DPP8: variants seen among roughly 807,000 people sequenced by gnomAD.
The protein encoded by DPP8 is dipeptidyl peptidase 8.
DPP8 carries 31 observed loss-of-function variants against 107.5 expected under a neutral mutation model. The observed-to-expected ratio is 0.29, with a 90% CI of 0.22 to 0.39. The LOEUF (loss-of-function observed/expected upper bound fraction) is 0.39. DPP8 is among the 10% of genes least tolerant of loss of function. The probability of loss-of-function intolerance (pLI) is 1.00; values close to 1 mark genes in which losing one functional copy is unlikely to be tolerated. For missense variants in DPP8, 842 were observed against 1,076.1 expected (o/e 0.78, Z 3.04); for synonymous variants, 381 against 356.6 (o/e 1.07, Z -0.77).
Position 65,512,647 on chromosome 15 carries a change from CG to C in DPP8, c.-11-84del, listed in dbSNP as rs2070941873. 2.0e-5 allele frequency: 30 copies of C among 1,486,160 alleles called. No homozygotes were observed. In the South Asian group the frequency reaches 3.6e-4, roughly 18 times the overall value. The allele number at this position is 1,486,160 out of a possible 1,614,324, so 92.1% of individuals were successfully genotyped here. Reference sequence around the variant, plus strand: ...TTCTCTGAGAGGGTCAAAAAAAAAGCGGGGGAGTGGGGAGGGCAAGAAAAAA... The same window carrying C: ...TTCTCTGAGAGGGTCAAAAAAAAAGCGGGGAGTGGGGAGGGCAAGAAAAAA... On this transcript the variant is annotated intron_variant, in intron 1 of 19. Coordinates refer to ENST00000300141, the MANE Select transcript of DPP8 (RefSeq NM_130434.5).
chr15:65,471,068 C>A (rs2065851707), intron 12 of DPP8, among the ~76,000 whole-genome samples: 3 of 152,112 alleles, frequency 2.0e-5, no homozygotes. Flanking sequence ...TATGCAATTA[C>A]AATTATTGGG....
chr15:65,448,875 T>C (rs1364371433), intron 19 of DPP8, among the ~76,000 whole-genome samples: 2 of 29,608 alleles, frequency 6.8e-5, no homozygotes, highest in Non-Finnish European at 1.3e-4. Context: ...AATATATATA[T>C]ATATATATAT....
At chr15:65,475,460 C>G (rs2066298980) in intron 11 of DPP8, 1 of 1,565,944 alleles carries the variant, frequency 6.4e-7, no homozygotes, top group Non-Finnish European at 8.8e-7. Flanking sequence ...GGGTCCAGAG[C>G]TGCAGGGCTG....
At chr15:65,448,732 CATATATATCTAAAATAT>C (rs2063678505) in intron 19 of DPP8, among the ~76,000 whole-genome samples, 3 of 116,714 alleles carry the variant, frequency 2.6e-5, no homozygotes, top group African/African-American at 1.1e-4. Flanking sequence ...ATAAAATATA[CATATATATCTAAAATAT>C]ACATATATAT....
At chr15:65,470,265 A>G (rs1177787620) in intron 12 of DPP8, among the ~76,000 whole-genome samples, 1 of 151,650 alleles carries the variant, frequency 6.6e-6, no homozygotes, top group Non-Finnish European at 1.5e-5. Flanking sequence ...GTCACTTGTA[A>G]AAGTAGAGAA....
chr15:65,458,348 C>T lies in DPP8; in HGVS notation c.1972-1977G>A, dbSNP rs1185833995. ...TGATCTCGGCCCACTGCAACTTCCG[C>T]CTCCCAGGTTCAAGCAATTCTCGTG... On this transcript the variant is annotated intron_variant, in intron 15 of 19. Coordinates refer to ENST00000300141, the MANE Select transcript of DPP8 (RefSeq NM_130434.5). Among the ~76,000 whole-genome samples, 4 of 152,214 alleles carry T rather than the reference C, an allele frequency of 2.6e-5. No individual in the cohort carries two copies. In the East Asian group the frequency reaches 7.7e-4, roughly 29 times the overall value.
chr15:65,510,179 G>A (rs2141095238), intron 2 of DPP8, among the ~76,000 whole-genome samples: 1 of 151,862 alleles, frequency 6.6e-6, no homozygotes, highest in African/African-American at 2.4e-5. Flanking sequence ...AGCTGGGCAT[G>A]GTGGCACACG....
At chr15:65,513,060 T>C (rs1040712252) in intron 1 of DPP8, among the ~76,000 whole-genome samples, 4 of 152,206 alleles carry the variant, frequency 2.6e-5, no homozygotes, top group African/African-American at 9.6e-5. Context: ...TTGTCAAAAA[T>C]AACGTGCATG....
At chr15:65,510,636 T>G (rs768536137) in intron 2 of DPP8, among the ~76,000 whole-genome samples, 4 of 152,166 alleles carry the variant, frequency 2.6e-5, no homozygotes, top group Admixed American at 6.5e-5. Flanking sequence ...CCTCCCAGGA[T>G]CAAGCAATTC....
At chr15:65,515,845 T>C (rs1473123914) in intron 1 of DPP8, 21 of 674,482 alleles carry the variant, frequency 3.1e-5, no homozygotes, top group Non-Finnish European at 4.4e-5. Flanking sequence ...AGATGGACCA[T>C]ATGTGGCCAA....
intron 4 of DPP8, among the ~76,000 whole-genome samples, chr15:65,498,352 G>A (rs2068815310): frequency 6.6e-6 from 1 of 151,984 alleles, no homozygotes; most frequent in African/African-American, 2.4e-5. Flanking sequence ...AACCTGGGAG[G>A]TGGATGTTGC....
intron 15 of DPP8, 63 bp downstream of exon 15, chr15:65,463,698 A>C: frequency 7.0e-7 from 1 of 1,437,950 alleles, no homozygotes; most frequent in Non-Finnish European, 9.6e-7. Context: ...ACATTTAAAA[A>C]ACAAAAGATC....
In DPP8 at chr15:65,443,519, T is replaced by C. The variant is rs1728939153; in HGVS notation, c.*3365A>G. On this transcript the variant is annotated 3_prime_UTR_variant, in exon 20 of 20. Coordinates refer to ENST00000300141, the MANE Select transcript of DPP8 (RefSeq NM_130434.5). Reference sequence around the variant, plus strand: ...AAAAAAAAAAAAGTAAGCATCGGTATCAATATCGCATTCTTTTAAAAGGTA... The same window carrying C: ...AAAAAAAAAAAAGTAAGCATCGGTACCAATATCGCATTCTTTTAAAAGGTA... 6.6e-6 allele frequency: 1 copy of C among 151,440 alleles called. No homozygotes were observed. 9.4% of individuals were successfully genotyped at this position (151,440 alleles called of 1,614,324 possible).
rs1456859959 is a variant in DPP8 at position 65,454,244 on chromosome 15, A to G, written c.2271+19T>C. ...ATCTACCCTTATTGCAAAAATGAGT[A>G]TAATAGGAAGTCACATACCCTGAAG... On this transcript the variant is annotated intron_variant, in intron 17 of 19. Transcript: ENST00000300141. The G allele has an allele frequency of 2.0e-6, 3 of 1,481,584 alleles. No individual in the cohort carries two copies. The highest frequency in any genetic ancestry group is 2.7e-5 in the Admixed American group (1 of 36,564). 91.8% of individuals were successfully genotyped at this position (1,481,584 alleles called of 1,614,324 possible). A position where few individuals can be genotyped will look rare whatever the true frequency, so the allele number is the denominator to read the frequency against.
chr15:65,485,695 C>T (rs1041758359), intron 7 of DPP8, among the ~76,000 whole-genome samples: 9 of 152,240 alleles, frequency 5.9e-5, no homozygotes, highest in African/African-American at 9.6e-5. Flanking sequence ...TGCTGTCTCA[C>T]GCCTGTAATC....
chr15:65,453,239 G>A (rs183649943), intron 17 of DPP8, among the ~76,000 whole-genome samples: 1 of 152,178 alleles, frequency 6.6e-6, no homozygotes, highest in Non-Finnish European at 1.5e-5. Context: ...ATACAATGGT[G>A]TACAGGGCAA....
chr15:65,507,395 T>G, intron 2 of DPP8, 40 bp from the exon 3 acceptor site: 7 of 1,307,964 alleles, frequency 5.4e-6, no homozygotes, highest in Non-Finnish European at 7.7e-6. Context: ...TTTTTTCGAA[T>G]AGCATTCTTA....
chr15:65,471,817 A>G (rs897774225), intron 12 of DPP8, among the ~76,000 whole-genome samples: 1 of 152,226 alleles, frequency 6.6e-6, no homozygotes, highest in Non-Finnish European at 1.5e-5. Flanking sequence ...TAACAAAAAC[A>G]AACCTGGGAT....
chr15:65,454,732 C>T (rs1490540191), intron 16 of DPP8, among the ~76,000 whole-genome samples: 2 of 152,072 alleles, frequency 1.3e-5, no homozygotes, highest in Non-Finnish European at 2.9e-5. Context: ...TTCACTATGG[C>T]CAGGCTAGTC....
Sources: allele counts gnomAD v4.1 joint callset (sites outside exome capture counted in the v4.1 genomes callset), GRCh38; gene constraint gnomAD v4.1.1; transcripts MANE v1.5; gene names NCBI Gene and HGNC (gene_info 2026-07-23, HGNC 2026-07-21).